Variants in STK32A observed in about 807,000 individuals in gnomAD.
STK32A encodes the protein serine/threonine kinase 32A, also known as serine/threonine-protein kinase 32A.
In STK32A, 41 loss-of-function variants were observed where a neutral mutation model predicts 53.2. That is an observed-to-expected ratio of 0.77 (90% CI 0.60 to 1.00). The LOEUF (loss-of-function observed/expected upper bound fraction) is 1.00, where lower values mean the gene tolerates loss of function less well. Ranked by LOEUF, STK32A falls within the 50% of genes least tolerant of loss-of-function variation. The pLI, the probability that STK32A is intolerant of heterozygous loss-of-function variation, is 0.00. For synonymous variants in STK32A, 166 were observed against 162.8 expected, an observed-to-expected ratio of 1.02 and a Z score of -0.15; for missense variants, 458 against 485.8, an observed-to-expected ratio of 0.94 and a Z score of 0.54.
chr5:147,275,359 AC>A (rs11322421), intron 2 of STK32A, among the ~76,000 whole-genome samples: 89,112 of 151,480 alleles, frequency 0.59, 26,591 homozygotes, highest in African/African-American at 0.67. Flanking sequence ...AAAGGATCTC[AC>A]CCTGTTGCCC....
rs1351064353 is a variant in STK32A, at chr5:147,384,042, C to T, written c.*59C>T. The T allele has an allele frequency of 9.6e-6, 15 of 1,554,538 alleles. No homozygotes were observed. Among genetic ancestry groups the T allele is most frequent in the Non-Finnish European group, 1.1e-5 (13 of 1,158,082 alleles). On this transcript the variant is annotated 3_prime_UTR_variant, in exon 13 of 13. Coordinates refer to ENST00000397936, the MANE Select transcript of STK32A (RefSeq NM_001112724.2). Reference sequence around the variant, plus strand: ...GCCAGAAACTTCTAATTACATATGTCAAGAAAAGCTGACAGTAGTTCTTGC... The same window carrying T: ...GCCAGAAACTTCTAATTACATATGTTAAGAAAAGCTGACAGTAGTTCTTGC...
intron 4 of STK32A, among the ~76,000 whole-genome samples, chr5:147,288,162 A>G (rs573722548): frequency 2.6e-5 from 4 of 152,268 alleles, no homozygotes; most frequent in African/African-American, 9.6e-5. Context: ...ATTAACAATG[A>G]TAGAAGAAAG....
In STK32A at chr5:147,270,447, C is replaced by G. The variant is rs140188947; in HGVS notation, c.53-7677C>G. Among the ~76,000 whole-genome samples the G allele has an allele frequency of 5.3e-4, 80 of 152,236 alleles. 2 individuals are homozygous for G. The East Asian group carries it at 0.014, about 27-fold the overall frequency. The stretch of plus-strand genomic sequence containing the variant: ...CAGGCTGGTCTCTAACTCCTGGGCT[C>G]AAGTGATTCTCCTGCCTCAGCCTCT... On this transcript the variant is annotated intron_variant, in intron 2 of 12. Coordinates refer to ENST00000397936, the MANE Select transcript of STK32A (RefSeq NM_001112724.2).
At position 147,314,520 on chromosome 5, in the gene STK32A, AAAAAAAC is replaced by A. The variant is rs1561713472; in HGVS notation, c.261-9371_261-9365del. 1.1e-3 allele frequency among the ~76,000 whole-genome samples: 18 copies of A among 16,042 alleles called. 3 individuals carry two copies. The highest frequency in any genetic ancestry group is 1.3e-3 in the African/African-American group (8 of 6,198). The allele number at this position is 16,042 out of a possible 152,430, so 10.5% of individuals were successfully genotyped here. ...TATCAAAAAAAACAAAAAAAAACAA[AAAAAAAC>A]AAAAAAAAAAAAAGAACAAAGATTT... is the stretch of plus-strand genomic sequence containing the variant. On this transcript the variant is annotated intron_variant, in intron 4 of 12. Coordinates refer to ENST00000397936, the MANE Select transcript of STK32A (RefSeq NM_001112724.2).
At chr5:147,297,116 T>C (rs1581055637) in intron 4 of STK32A, among the ~76,000 whole-genome samples, 1 of 152,172 alleles carries the variant, frequency 6.6e-6, no homozygotes, top group African/African-American at 2.4e-5. Context: ...AAACCAAGGA[T>C]CAACTAGGCA....
chr5:147,283,620 T>G (rs1278697069), intron 4 of STK32A, among the ~76,000 whole-genome samples: 1 of 151,984 alleles, frequency 6.6e-6, no homozygotes, highest in African/African-American at 2.4e-5. Context: ...ATATTACAAC[T>G]GACACCACTG....
intron 1 of STK32A, among the ~76,000 whole-genome samples, chr5:147,237,748 T>C (rs1210103224): frequency 6.6e-6 from 1 of 152,230 alleles, no homozygotes; most frequent in South Asian, 2.1e-4. Flanking sequence ...GTTTTTAGTA[T>C]GAAAAGTAGC....
intron 4 of STK32A, among the ~76,000 whole-genome samples, chr5:147,323,621 A>G (rs1754427290): frequency 6.6e-6 from 1 of 152,190 alleles, no homozygotes. Flanking sequence ...ACATGAATAA[A>G]CAGTTATTGA....
intron 2 of STK32A, among the ~76,000 whole-genome samples, chr5:147,241,355 T>G (rs1004526931): frequency 3.3e-5 from 5 of 152,138 alleles, no homozygotes; most frequent in African/African-American, 1.2e-4. Context: ...GGTGGACGCC[T>G]GTAGTCCCAG....
At chr5:147,393,976 C>G in the STK32A span, 5 of 1,540,686 alleles carry the variant, frequency 3.2e-6, no homozygotes, top group Non-Finnish European at 4.5e-6. Context: ...ATCGGTGTAC[C>G]ATTTTGGCTT....
chr5:147,291,006 G>A (rs1190513118), intron 4 of STK32A, among the ~76,000 whole-genome samples: 1 of 152,066 alleles, frequency 6.6e-6, no homozygotes, highest in East Asian at 1.9e-4. Context: ...CAAATTACAG[G>A]AACACAAAGA....
intron 7 of STK32A, among the ~76,000 whole-genome samples, chr5:147,356,343 T>C (rs1276561947): frequency 6.6e-6 from 1 of 152,212 alleles, no homozygotes; most frequent in Non-Finnish European, 1.5e-5. Context: ...GTGAGGCCAC[T>C]ACTATCGTTA....
At chr5:147,397,892 A>G in the STK32A span, 1 of 1,519,252 alleles carries the variant, frequency 6.6e-7, no homozygotes, top group Non-Finnish European at 8.9e-7. Flanking sequence ...GTAGAGAAAG[A>G]GGAACGTACC....
intron 4 of STK32A, among the ~76,000 whole-genome samples, chr5:147,317,059 T>G (rs1754030197): frequency 6.6e-6 from 1 of 150,894 alleles, no homozygotes; most frequent in Non-Finnish European, 1.5e-5. Context: ...AATTAATGAC[T>G]GATAACACCA....
chr5:147,400,794 G>A, the STK32A span: 2 of 1,614,058 alleles, frequency 1.2e-6, no homozygotes, highest in Non-Finnish European at 1.7e-6. Context: ...GGGCAGTGCT[G>A]AAGGTGCAGT....
chr5:147,359,161 C>T (rs1170072989), intron 7 of STK32A, among the ~76,000 whole-genome samples: 1 of 152,150 alleles, frequency 6.6e-6, no homozygotes, highest in African/African-American at 2.4e-5. Flanking sequence ...TTAGTACTCT[C>T]TTAGGTGCAG....
chr5:147,304,815 G>A (rs1232539387), intron 4 of STK32A, among the ~76,000 whole-genome samples: 1 of 152,160 alleles, frequency 6.6e-6, no homozygotes, highest in Admixed American at 6.6e-5. Context: ...AAGACAAAAA[G>A]AGCAGACCCC....
At chr5:147,240,547 C>T (rs368003936) in intron 2 of STK32A, among the ~76,000 whole-genome samples, 1 of 152,204 alleles carries the variant, frequency 6.6e-6, no homozygotes, top group Non-Finnish European at 1.5e-5. Flanking sequence ...TTTACTGACT[C>T]TATCTTCAAT....
intron 11 of STK32A, among the ~76,000 whole-genome samples, chr5:147,380,340 G>A (rs1757402971): frequency 6.6e-6 from 1 of 152,088 alleles, no homozygotes; most frequent in East Asian, 1.9e-4. Flanking sequence ...CAGCAGAACT[G>A]TGTCTTCTCC....
Sources: allele counts gnomAD v4.1 joint callset (sites outside exome capture counted in the v4.1 genomes callset), GRCh38; gene constraint gnomAD v4.1.1; transcripts MANE v1.5; gene names NCBI Gene and HGNC (gene_info 2026-07-23, HGNC 2026-07-21).